The following CCDC188 variants were observed in gnomAD, a reference collection of about 807,000 sequenced individuals.
CCDC188 encodes coiled-coil domain containing 188.
Under a neutral mutation model 50.7 loss-of-function variants are expected in CCDC188, and 37 were observed. The observed-to-expected ratio is 0.73, with a 90% CI of 0.56 to 0.96. The LOEUF (loss-of-function observed/expected upper bound fraction) is 0.96, where lower values mean the gene tolerates loss of function less well. Ranked by LOEUF, CCDC188 falls within the 40% of genes least tolerant of loss-of-function variation. The pLI, the probability that CCDC188 is intolerant of heterozygous loss-of-function variation, is 0.00. For synonymous variants in CCDC188, 208 were observed against 228.0 expected (o/e 0.91, Z 0.79); for missense variants, 453 against 512.9 (o/e 0.88, Z 1.13).
chr22:20,148,548 G>C lies in CCDC188; in HGVS notation c.*66C>G. 1.4e-6 allele frequency: 2 copies of C among 1,459,688 alleles called. No homozygotes were observed. Among genetic ancestry groups the C allele is most frequent in the Non-Finnish European group, 1.8e-6 (2 of 1,106,560 alleles). The allele number at this position is 1,459,688 out of a possible 1,614,324, so 90.4% of individuals were successfully genotyped here. The stretch of plus-strand genomic sequence containing the variant: ...GGTGCCATGTGCAGGGGGCTGGCAC[G>C]GCCACTGGGCATCCGGGGCAGTGCT... On this transcript the variant is annotated 3_prime_UTR_variant, in exon 9 of 9. Transcript: ENST00000439765.
In CCDC188 at chr22:20,149,171, G is replaced by A; in HGVS notation, c.972+16C>T. 6.8e-7 allele frequency: 1 copy of A among 1,462,898 alleles called. No individual in the cohort carries two copies. The highest frequency in any genetic ancestry group is 9.1e-7 in the Non-Finnish European group (1 of 1,104,838). The allele number at this position is 1,462,898 out of a possible 1,614,324, so 90.6% of individuals were successfully genotyped here. A position where few individuals can be genotyped will look rare whatever the true frequency, so the allele number is the denominator to read the frequency against. On this transcript the variant is annotated intron_variant, in intron 7 of 8. Transcript: ENST00000439765. The stretch of plus-strand genomic sequence containing the variant: ...GGGCTGGTCTCCAGACCCAGAGTGG[G>A]GCGTGGGGGGCTCACCGACATGCTT...
At position 20,148,808 on chromosome 22, in the gene CCDC188, C is replaced by T. The variant is rs60603127; in HGVS notation, c.1023-8G>A. The T allele has an allele frequency of 0.054, 79,113 of 1,457,266 alleles. 2,387 individuals carry two copies. Among genetic ancestry groups the T allele is most frequent in the South Asian group, 0.099 (7,081 of 71,404 alleles). 90.3% of individuals were successfully genotyped at this position (1,457,266 alleles called of 1,614,324 possible). A position where few individuals can be genotyped will look rare whatever the true frequency, so the allele number is the denominator to read the frequency against. Reference sequence around the variant, plus strand: ...AGCCTCAGGGTCAGCAGCCTGCGGGCGGCGGTGGTCAGGGGCAGGGGCGCG... The same window carrying T: ...AGCCTCAGGGTCAGCAGCCTGCGGGTGGCGGTGGTCAGGGGCAGGGGCGCG... On this transcript the variant is annotated splice_region_variant and splice_polypyrimidine_tract_variant and intron_variant, in intron 8 of 8. Coordinates refer to ENST00000439765, the MANE Select transcript of CCDC188 (RefSeq NM_001365892.2).
At chr22:20,149,093 C>A in intron 7 of CCDC188, 94 bp downstream of exon 7, 1 of 1,285,634 alleles carries the variant, frequency 7.8e-7, no homozygotes, top group Non-Finnish European at 1.1e-6. Flanking sequence ...TGCCCTGGAC[C>A]TGCCCTCCTG....
At chr22:20,148,854 C>A in intron 8 of CCDC188, 21 bp downstream of exon 8, 2 of 1,480,032 alleles carry the variant, frequency 1.4e-6, no homozygotes, top group Non-Finnish European at 1.8e-6. Flanking sequence ...GGGGGCTGGG[C>A]TCTGCCGTGC....
chr22:20,149,167 G>T lies in CCDC188; in HGVS notation c.972+20C>A. On this transcript the variant is annotated intron_variant, in intron 7 of 8. Transcript: ENST00000439765. ...TGGGGGGCTGGTCTCCAGACCCAGA[G>T]TGGGGCGTGGGGGGCTCACCGACAT... 6.9e-7 allele frequency: 1 copy of T among 1,454,818 alleles called. No individual in the cohort carries two copies. 90.1% of individuals were successfully genotyped at this position (1,454,818 alleles called of 1,614,324 possible).
rs1197036213 is a variant in CCDC188, at chr22:20,149,757, C to G, written c.756G>C (p.Leu252=). ...QSQNELQQIR[L]CFERKKMVIT... ...TGACCATCTTCTTCCTCTCAAAGCA[C>G]AGGCGGATCTGCTGCAGCTCGTTCT... The change falls in exon 4 of 9, where the codon CTG becomes CTC. Residue 252 remains leucine (L), a synonymous_variant. Transcript: ENST00000439765. 6.6e-7 allele frequency: 1 copy of G among 1,523,310 alleles called. No individual in the cohort carries two copies. The highest frequency in any genetic ancestry group is 1.3e-5 in the South Asian group (1 of 79,248). 94.4% of individuals were successfully genotyped at this position (1,523,310 alleles called of 1,614,324 possible). A position where few individuals can be genotyped will look rare whatever the true frequency, so the allele number is the denominator to read the frequency against.
At position 20,150,173 on chromosome 22, in the gene CCDC188, G is replaced by A. The variant is rs1200630359; in HGVS notation, c.597C>T (p.Pro199=). ...CCAGAGCAGTGCAGCTTGAGTGTTC[G>A]GGACACAGGGGCAGGAACTGCTGCC... is the stretch of plus-strand genomic sequence containing the variant. ...GPGQQFLPLC[P]EHSSCTALAW... The change falls in exon 2 of 9, where the codon CCC becomes CCT. Residue 199 remains proline (P), a synonymous_variant. Coordinates refer to ENST00000439765, the MANE Select transcript of CCDC188 (RefSeq NM_001365892.2). 46 of 1,548,456 alleles carry A rather than the reference G, an allele frequency of 3.0e-5. No homozygotes were observed. Among genetic ancestry groups the A allele is most frequent in the Non-Finnish European group, 3.7e-5 (42 of 1,145,818 alleles).
chr22:20,149,797 G>C lies in CCDC188; in HGVS notation c.733-17C>G. On this transcript the variant is annotated splice_polypyrimidine_tract_variant and intron_variant, in intron 3 of 8. Transcript: ENST00000439765. ...CAGCTCGTTCTGAGGGTGGGGCCCA[G>C]GATGGGCTTGGGCAGCATCAGCAGG... 1 of 1,502,534 alleles carries C rather than the reference G, an allele frequency of 6.7e-7. No individual in the cohort carries two copies. The highest frequency in any genetic ancestry group is 8.9e-7 in the Non-Finnish European group (1 of 1,121,226). The allele number at this position is 1,502,534 out of a possible 1,614,324, so 93.1% of individuals were successfully genotyped here.
rs2050583472 is a variant in CCDC188 at position 20,149,626 on chromosome 22, C to T, written c.804G>A (p.Val268=). 1 of 1,550,164 alleles carries T rather than the reference C, an allele frequency of 6.5e-7. No homozygotes were observed. Among genetic ancestry groups the T allele is most frequent in the Non-Finnish European group, 8.7e-7 (1 of 1,146,882 alleles). ...TGTTCAGGGCCATGTGCATCTCAGC[C>T]ACGTTGTCCCACACCTAGGGGGAGG... The part of the protein sequence containing the change: ...KMVITEVWDN[V]AEMHMALNNQ... Residue 268 remains valine (V), a synonymous_variant, in exon 5 of 9, where the codon GTG becomes GTA. Transcript: ENST00000439765.
At position 20,148,856 on chromosome 22, in the gene CCDC188, C is replaced by G. The variant is rs4819867; in HGVS notation, c.1022+19G>C. 4.6e-5 allele frequency: 68 copies of G among 1,481,816 alleles called. No homozygotes were observed. The highest frequency in any genetic ancestry group is 5.8e-5 in the Non-Finnish European group (65 of 1,112,648). 91.8% of individuals were successfully genotyped at this position (1,481,816 alleles called of 1,614,324 possible). A position where few individuals can be genotyped will look rare whatever the true frequency, so the allele number is the denominator to read the frequency against. Reference sequence around the variant, plus strand: ...GCGCGGGGGGCCTGGGGGCTGGGCTCTGCCGTGCAGTCACCTACCAGAGCT... The same window carrying G: ...GCGCGGGGGGCCTGGGGGCTGGGCTGTGCCGTGCAGTCACCTACCAGAGCT... On this transcript the variant is annotated intron_variant, in intron 8 of 8. Coordinates refer to ENST00000439765, the MANE Select transcript of CCDC188 (RefSeq NM_001365892.2).
At chr22:20,149,546 C>A (rs1421145371) in intron 5 of CCDC188, 35 bp downstream of exon 5, 2 of 1,550,016 alleles carry the variant, frequency 1.3e-6, no homozygotes, top group Non-Finnish European at 1.7e-6. Context: ...CCCGCCGGGC[C>A]CCGTCCTTCT....
chr22:20,150,628 C>G lies in CCDC188; in HGVS notation c.359G>C (p.Gly120Ala), dbSNP rs2050609668. 1.9e-6 allele frequency: 3 copies of G among 1,542,172 alleles called. No homozygotes were observed. Among genetic ancestry groups the G allele is most frequent in the Non-Finnish European group, 2.6e-6 (3 of 1,141,082 alleles). ...GSNQGAPRQG[G>A]SIGSGTRPCP... ...GGGTCTGGTCCCTGAGCCAATGGAT[C>G]CCCCCTGCCTGGGAGCCCCCTGGTT... is the stretch of plus-strand genomic sequence containing the variant. Residue 120 changes from glycine (G) to alanine (A), a missense_variant, in exon 1 of 9, where the codon GGA (glycine) becomes GCA (alanine). Coordinates refer to ENST00000439765, the MANE Select transcript of CCDC188 (RefSeq NM_001365892.2).
At chr22:20,149,336 G>A in intron 6 of CCDC188, 76 bp downstream of exon 6, 1 of 1,546,326 alleles carries the variant, frequency 6.5e-7, no homozygotes, top group Non-Finnish European at 8.7e-7. Context: ...GGGGGTCAAG[G>A]ATGGGTCTGC....
rs1488096863 is a variant in CCDC188 at position 20,148,666 on chromosome 22, G to C, written c.1157C>G (p.Ala386Gly). 6.5e-7 allele frequency: 1 copy of C among 1,547,114 alleles called. No individual in the cohort carries two copies. The highest frequency in any genetic ancestry group is 2.0e-5 in the Admixed American group (1 of 50,712). The change falls in exon 9 of 9, where the codon GCC (alanine) becomes GGC (glycine). Residue 386 changes from alanine (A) to glycine (G), a missense_variant. Coordinates refer to ENST00000439765, the MANE Select transcript of CCDC188 (RefSeq NM_001365892.2). ...LSRATVWKLRALLDPFLRLKV... is the reference protein window; with the variant it reads ...LSRATVWKLRGLLDPFLRLKV... ...GAGGCGCAGGAAGGGGTCCAGCAGG[G>C]CCCGGAGCTTCCAGACGGTGGCACG...
intron 1 of CCDC188, 49 bp from the exon 2 acceptor site, chr22:20,150,299 C>A (rs3887519): frequency 2.9e-6 from 3 of 1,034,496 alleles, no homozygotes; most frequent in Non-Finnish European, 4.2e-6. Flanking sequence ...GCCGCTCCTG[C>A]GGCTGGGGCT....
In CCDC188 at chr22:20,148,738, A is replaced by C; in HGVS notation, c.1085T>G (p.Val362Gly). The C allele has an allele frequency of 6.6e-7, 1 of 1,514,068 alleles. No individual in the cohort carries two copies. The highest frequency in any genetic ancestry group is 8.9e-7 in the Non-Finnish European group (1 of 1,127,904). The allele number at this position is 1,514,068 out of a possible 1,614,324, so 93.8% of individuals were successfully genotyped here. Residue 362 changes from valine (V) to glycine (G), a missense_variant, in exon 9 of 9, where the codon GTG becomes GGG. Transcript: ENST00000439765. ...CCCCTCGAAAGGTGTGGGGTTCACC[A>C]CGTACACGTAGGCAGCGGTCCAGAC... ...LLVWTAAYVY[V>G]VNPTPFEGLV...
rs1172751346 is a variant in CCDC188, at chr22:20,150,784, GGCCCACT to G, written c.196_202del (p.Ser66ProfsTer79). The G allele has an allele frequency of 6.5e-7, 1 of 1,549,852 alleles. No homozygotes were observed. Among genetic ancestry groups the G allele is most frequent in the African/African-American group, 1.4e-5 (1 of 73,034 alleles). ...CCCGGGAGCCTCGCCCTCCACTGTGGGCCCACTGCCCCCTGCCCCTGGGACTGGGAAA... is the reference window on the plus strand; with the variant it reads ...CCCGGGAGCCTCGCCCTCCACTGTGGGCCCCCTGCCCCTGGGACTGGGAAA... On this transcript the variant is annotated frameshift_variant, in exon 1 of 9. Transcript: ENST00000439765. LOFTEE classifies it high-confidence loss of function.
At position 20,150,123 on chromosome 22, in the gene CCDC188, T is replaced by G. The variant is rs1223942488; in HGVS notation, c.627+20A>C. 2 of 1,541,418 alleles carry G rather than the reference T, an allele frequency of 1.3e-6. No individual in the cohort carries two copies. The highest frequency in any genetic ancestry group is 1.8e-6 in the Non-Finnish European group (2 of 1,140,498). On this transcript the variant is annotated intron_variant, in intron 2 of 8. Transcript: ENST00000439765. ...CTAGAGGGGCGTTGGCTGCATGGGGTCCCTGGGCCCTGTATTTACCCAGGC... is the reference window on the plus strand; with the variant it reads ...CTAGAGGGGCGTTGGCTGCATGGGGGCCCTGGGCCCTGTATTTACCCAGGC...
chr22:20,149,761 CG>C lies in CCDC188; in HGVS notation c.751del (p.Arg251AlafsTer25). ...QQSQNELQQI[R>X]LCFERKKMVI... ...CATCTTCTTCCTCTCAAAGCACAGG[CG>C]GATCTGCTGCAGCTCGTTCTGAGGG... On this transcript the variant is annotated frameshift_variant, in exon 4 of 9. Transcript: ENST00000439765. LOFTEE classifies it high-confidence loss of function. 6.6e-7 allele frequency: 1 copy of C among 1,520,788 alleles called. No homozygotes were observed. The highest frequency in any genetic ancestry group is 8.8e-7 in the Non-Finnish European group (1 of 1,130,266). The allele number at this position is 1,520,788 out of a possible 1,614,324, so 94.2% of individuals were successfully genotyped here. A position where few individuals can be genotyped will look rare whatever the true frequency, so the allele number is the denominator to read the frequency against.
Sources: gnomAD v4.1 joint callset for allele counts on GRCh38, gnomAD v4.1.1 for gene constraint, MANE v1.5 for transcripts, NCBI Gene and HGNC (gene_info 2026-07-23, HGNC 2026-07-21) for gene names.